SAMSN1: variants seen among roughly 807,000 people sequenced by gnomAD.
SAMSN1 encodes the protein SAM domain-containing protein SAMSN-1.
In SAMSN1, 31 loss-of-function variants were observed where a neutral mutation model predicts 42.0. The ratio of observed to expected loss-of-function variants is 0.74; its 90% confidence interval spans 0.55 to 1.00. SAMSN1 has a LOEUF of 1.00. Among genes scored for constraint, SAMSN1 ranks in the 50% least tolerant of loss-of-function variants. The probability of loss-of-function intolerance (pLI) is 0.00; values close to 1 mark genes in which losing one functional copy is unlikely to be tolerated. For missense variants in SAMSN1, 464 were observed against 439.4 expected (o/e 1.06, Z -0.50); for synonymous variants, 178 against 151.9 (o/e 1.17, Z -1.26).
intron 4 of SAMSN1, among the ~76,000 whole-genome samples, chr21:14,610,374 C>T (rs545430458): frequency 6.6e-6 from 1 of 152,258 alleles, no homozygotes; most frequent in East Asian, 1.9e-4. Context: ...TTAGGAAATT[C>T]CAGCCTGGTG....
intron 4 of SAMSN1, chr21:14,612,506 A>C: frequency 2.6e-6 from 1 of 383,820 alleles, no homozygotes; most frequent in Non-Finnish European, 5.3e-6. Flanking sequence ...TAATGAAACC[A>C]CTTTCTGCTA....
chr21:14,626,841 G>C (rs1443777045), intron 2 of SAMSN1, among the ~76,000 whole-genome samples: 1 of 152,090 alleles, frequency 6.6e-6, no homozygotes, highest in Non-Finnish European at 1.5e-5. Flanking sequence ...TGTTTATTGT[G>C]GCACTATTCA....
intron 1 of SAMSN1, among the ~76,000 whole-genome samples, chr21:14,646,718 A>G (rs148991708): frequency 2.0e-5 from 3 of 152,334 alleles, no homozygotes; most frequent in African/African-American, 7.2e-5. Flanking sequence ...TTTTCAAGAC[A>G]CTGTCAGTAC....
intron 2 of SAMSN1, among the ~76,000 whole-genome samples, chr21:14,621,781 T>C (rs565327083): frequency 6.6e-6 from 1 of 152,306 alleles, no homozygotes; most frequent in Non-Finnish European, 1.5e-5. Flanking sequence ...GAGTAGTGGT[T>C]CTCTCAGCAT....
At position 14,577,048 on chromosome 21, in the gene SAMSN1, CTTTTTTTTTTTTT is replaced by C. The variant is rs991163598; in HGVS notation, c.261+5075_261+5087del. Among the ~76,000 whole-genome samples the C allele has an allele frequency of 2.9e-4, 16 of 54,920 alleles. 1 individual carries two copies. The South Asian group carries it at 0.012, about 40-fold the overall frequency. 36.0% of individuals were successfully genotyped at this position (54,920 alleles called of 152,430 possible). ...GTTTATGTCTAGATTGCATCCGTTT[CTTTTTTTTTTTTT>C]TTTTTTTTTTTTGAGACGGAATCTC... On this transcript the variant is annotated intron_variant, in intron 2 of 8. Coordinates refer to the SAMSN1 transcript ENST00000285670.
chr21:14,521,860 A>G (rs1361614403), intron 1 of SAMSN1, among the ~76,000 whole-genome samples: 1 of 152,074 alleles, frequency 6.6e-6, no homozygotes. Context: ...ATGTACCCCG[A>G]AAATTAAAAT....
At chr21:14,496,774 T>C (rs981828225) in intron 7 of SAMSN1, among the ~76,000 whole-genome samples, 1 of 152,176 alleles carries the variant, frequency 6.6e-6, no homozygotes, top group Non-Finnish European at 1.5e-5. Flanking sequence ...AAAGAAAGCA[T>C]ATAATAACCT....
intron 3 of SAMSN1, 130 bp downstream of exon 3, chr21:14,516,762 G>A (rs1987936758): frequency 2.9e-6 from 2 of 687,946 alleles, no homozygotes; most frequent in Admixed American, 3.4e-5. Context: ...CCCAAGTTCT[G>A]GGCATAATGA....
chr21:14,578,268 G>A (rs1309493488), intron 2 of SAMSN1, among the ~76,000 whole-genome samples: 1 of 152,128 alleles, frequency 6.6e-6, no homozygotes, highest in African/African-American at 2.4e-5. Context: ...AAGAGGGTAA[G>A]GAGTTTACTC....
Position 14,515,774 on chromosome 21 carries a change from TA to T in SAMSN1, c.279+1117del, listed in dbSNP as rs776343187. On this transcript the variant is annotated intron_variant, in intron 3 of 7. Coordinates refer to ENST00000400566, the MANE Select transcript of SAMSN1 (RefSeq NM_022136.5). ...ATAAAAAACTTGCATCCAGAATATA[TA>T]AAAAACATTTAAAACTCAACAATAA... 3.9e-5 allele frequency among the ~76,000 whole-genome samples: 6 copies of T among 152,266 alleles called. No homozygotes were observed. The East Asian group carries it at 9.6e-4, about 24-fold the overall frequency.
At chr21:14,581,400 C>T (rs1394811169) in intron 2 of SAMSN1, among the ~76,000 whole-genome samples, 2 of 109,250 alleles carry the variant, frequency 1.8e-5, no homozygotes, top group Non-Finnish European at 3.5e-5. Flanking sequence ...GCTCAGTCGC[C>T]CAGGCTGGAG....
intron 2 of SAMSN1, among the ~76,000 whole-genome samples, chr21:14,636,891 A>G (rs1185472653): frequency 6.6e-6 from 1 of 152,098 alleles, no homozygotes; most frequent in Non-Finnish European, 1.5e-5. Flanking sequence ...AAAGTGTATA[A>G]CTGTTTATTA....
At position 14,510,388 on chromosome 21, in the gene SAMSN1, T is replaced by C. The variant is rs1439376955; in HGVS notation, c.483A>G (p.Ser161=). The C allele has an allele frequency of 1.2e-6, 2 of 1,614,148 alleles. No individual in the cohort carries two copies. Among genetic ancestry groups the C allele is most frequent in the South Asian group, 2.2e-5 (2 of 91,090 alleles). ...CTCTGGCACGGCCACAGAATGGTCC[T>C]GAATAGGGGCCATCGTCATCCAGTC... ...SFRLDDDGPY[S]GPFCGRARVH... Residue 161 remains serine (S), a synonymous_variant, in exon 5 of 8, where the codon TCA becomes TCG. Transcript: ENST00000400566.
At chr21:14,560,499 C>T (rs535323755) in intron 2 of SAMSN1, among the ~76,000 whole-genome samples, 1 of 152,236 alleles carries the variant, frequency 6.6e-6, no homozygotes, top group African/African-American at 2.4e-5. Context: ...GTTCAGGTAA[C>T]ATTATGCAGA....
chr21:14,570,211 T>C (rs1291906144), intron 2 of SAMSN1, among the ~76,000 whole-genome samples: 4 of 152,194 alleles, frequency 2.6e-5, no homozygotes, highest in African/African-American at 9.6e-5. Flanking sequence ...TCCCGCATTC[T>C]AGAGAGAGAA....
At chr21:14,567,558 A>G (rs531557153) in intron 2 of SAMSN1, among the ~76,000 whole-genome samples, 1 of 151,972 alleles carries the variant, frequency 6.6e-6, no homozygotes, top group Non-Finnish European at 1.5e-5. Context: ...GCACAAAACT[A>G]CCTCTGGGGA....
intron 2 of SAMSN1, among the ~76,000 whole-genome samples, chr21:14,627,276 T>TG (rs1491560916): frequency 1.3e-4 from 1 of 7,556 alleles, no homozygotes; most frequent in Non-Finnish European, 3.6e-4. Flanking sequence ...TAAAGTATAA[T>TG]GAAAAAAAAA....
At chr21:14,563,230 G>A (rs1220698650) in intron 2 of SAMSN1, among the ~76,000 whole-genome samples, 2 of 152,160 alleles carry the variant, frequency 1.3e-5, no homozygotes, top group Non-Finnish European at 2.9e-5. Flanking sequence ...TGTAAGATAT[G>A]TCCCAAAATA....
chr21:14,559,580 T>C (rs1415464727), intron 2 of SAMSN1, among the ~76,000 whole-genome samples: 1 of 152,172 alleles, frequency 6.6e-6, no homozygotes, highest in Non-Finnish European at 1.5e-5. Flanking sequence ...CATGGCTCAC[T>C]GCAGCATTGA....
Sources: gnomAD v4.1 joint callset for allele counts (sites outside exome capture counted in the v4.1 genomes callset) on GRCh38, gnomAD v4.1.1 for gene constraint, MANE v1.5 for transcripts, NCBI Gene and HGNC (gene_info 2026-07-23, HGNC 2026-07-21) for gene names.